The following ECHS1 variants were observed in gnomAD, a reference collection of about 807,000 sequenced individuals.
ECHS1 encodes the protein enoyl-CoA hydratase, mitochondrial.
ECHS1 carries 19 observed loss-of-function variants against 33.5 expected under a neutral mutation model. The ratio of observed to expected loss-of-function variants is 0.57; its 90% CI spans 0.40 to 0.83. The LOEUF (loss-of-function observed/expected upper bound fraction) is 0.83. Among genes scored for constraint, ECHS1 ranks in the 40% least tolerant of loss-of-function variants. ECHS1 has a pLI of 0.00. For missense variants in ECHS1, 365 were observed against 381.3 expected, an observed-to-expected ratio of 0.96 and a Z score of 0.36; for synonymous variants, 158 against 146.6, an observed-to-expected ratio of 1.08 and a Z score of -0.56.
intron 4 of ECHS1, 21 bp from the exon 5 acceptor site, chr10:133,367,014 T>A: frequency 6.3e-7 from 1 of 1,588,366 alleles, no homozygotes; most frequent in Non-Finnish European, 8.6e-7. Flanking sequence ...GGGCTGGTCA[T>A]GGCTGGCACT....
At position 133,365,411 on chromosome 10, in the gene ECHS1, G is replaced by T. The variant is rs141140984; in HGVS notation, c.739+565C>A. Among the ~76,000 whole-genome samples the T allele has an allele frequency of 3.6e-3, 542 of 152,340 alleles. 5 individuals carry two copies. Among genetic ancestry groups the T allele is most frequent in the African/African-American group, 0.012 (486 of 41,572 alleles). On this transcript the variant is annotated intron_variant, in intron 6 of 7. Coordinates refer to ENST00000368547, the MANE Select transcript of ECHS1 (RefSeq NM_004092.4). Reference sequence around the variant, plus strand: ...GACCTGCCTGGGGCCACCCACACCTGTCCGGACTCAACCAGCTAATAACCA... The same window carrying T: ...GACCTGCCTGGGGCCACCCACACCTTTCCGGACTCAACCAGCTAATAACCA...
intron 7 of ECHS1, 50 bp from the exon 8 acceptor site, chr10:133,362,983 G>A (rs750584290): frequency 1.9e-6 from 3 of 1,597,962 alleles, no homozygotes; most frequent in Non-Finnish European, 1.7e-6. Flanking sequence ...TATCCTCACA[G>A]AGCCTGATGC....
rs1564806265 is a variant in ECHS1 at position 133,373,280 on chromosome 10, C to A, written c.54G>T (p.Pro18=). ...AGGGACGCCAGGCGGGACAGCGAAC[C>A]GGGGGCCTCAGCGGGCCGCGGACGC... ...LSCVRGPLRP[P]VRCPAWRPFA... The change falls in exon 1 of 8, where the codon CCG becomes CCT. Residue 18 remains proline (P), a synonymous_variant. Coordinates refer to ENST00000368547, the MANE Select transcript of ECHS1 (RefSeq NM_004092.4). 6.8e-7 allele frequency: 1 copy of A among 1,472,580 alleles called. No individual in the cohort carries two copies. The highest frequency in any genetic ancestry group is 1.3e-5 in the South Asian group (1 of 75,590). 91.2% of individuals were successfully genotyped at this position (1,472,580 alleles called of 1,614,324 possible).
chr10:133,365,469 A>G (rs148263269), intron 6 of ECHS1, among the ~76,000 whole-genome samples: 6 of 152,376 alleles, frequency 3.9e-5, no homozygotes, highest in South Asian at 2.1e-4. Context: ...AAATTGTGAC[A>G]TTAAAACTTG....
chr10:133,372,084 G>C (rs959711290), intron 1 of ECHS1, among the ~76,000 whole-genome samples: 1 of 152,186 alleles, frequency 6.6e-6, no homozygotes, highest in Non-Finnish European at 1.5e-5. Context: ...TAGCCACTGT[G>C]CCCCGCCGTA....
At chr10:133,373,127 T>C (rs1589884696) in intron 1 of ECHS1, 119 bp downstream of exon 1, 7 of 503,088 alleles carry the variant, frequency 1.4e-5, no homozygotes, top group Non-Finnish European at 1.8e-5. Flanking sequence ...GGGTGTGGGT[T>C]GGGGTCAGGT....
chr10:133,364,632 T>G (rs202089852), intron 7 of ECHS1, 26 bp downstream of exon 7: 1,317 of 1,582,104 alleles, frequency 8.3e-4, no homozygotes, highest in Admixed American at 1.3e-3. Flanking sequence ...TTTGCTTGAT[T>G]CTCCGGTTGA....
intron 5 of ECHS1, 144 bp downstream of exon 5, chr10:133,366,745 G>C: frequency 3.2e-6 from 2 of 617,490 alleles, no homozygotes; most frequent in East Asian, 2.8e-5. Context: ...GTTTCTGTGG[G>C]GCACCCATGA....
intron 7 of ECHS1, 64 bp from the exon 8 acceptor site, chr10:133,362,997 T>C (rs1002785131): frequency 1.5e-5 from 24 of 1,573,834 alleles, no homozygotes; most frequent in Non-Finnish European, 2.1e-5. Flanking sequence ...CTGATGCCAA[T>C]GTCCGCCCGT....
chr10:133,363,479 G>T (rs1177992238), intron 7 of ECHS1, among the ~76,000 whole-genome samples: 1 of 152,192 alleles, frequency 6.6e-6, no homozygotes, highest in Non-Finnish European at 1.5e-5. Context: ...CCCAGTGAAA[G>T]ACATGAATTA....
In ECHS1 at chr10:133,370,596, C is replaced by T. The variant is rs2133443188; in HGVS notation, c.250G>A (p.Ala84Thr). Residue 84 changes from alanine (A) to threonine (T), a missense_variant, in exon 2 of 8, where the codon GCC becomes ACC. Transcript: ENST00000368547. Reference protein sequence around the residue: ...KTFEEDPAVGAIVLTGGDKAF... With the variant: ...KTFEEDPAVGTIVLTGGDKAF... ...TTATCCCCGCCGGTGAGGACAATGGCCCCCACGGCCGGGTCCTCCTCGAAG... is the reference window on the plus strand; with the variant it reads ...TTATCCCCGCCGGTGAGGACAATGGTCCCCACGGCCGGGTCCTCCTCGAAG... 2 of 1,607,708 alleles carry T rather than the reference C, an allele frequency of 1.2e-6. No individual in the cohort carries two copies. Among genetic ancestry groups the T allele is most frequent in the South Asian group, 1.1e-5 (1 of 90,120 alleles).
At chr10:133,366,762 C>T (rs1849039383) in intron 5 of ECHS1, 127 bp downstream of exon 5, 2 of 676,094 alleles carry the variant, frequency 3.0e-6, no homozygotes, top group East Asian at 2.7e-5. Context: ...ATGAGGGGGA[C>T]ACCTGGATGC....
chr10:133,366,490 ATACAG>A (rs1432208194), intron 5 of ECHS1, among the ~76,000 whole-genome samples: 3 of 152,282 alleles, frequency 2.0e-5, no homozygotes, highest in Non-Finnish European at 4.4e-5. Flanking sequence ...ACTTCCGTAC[ATACAG>A]TACTTCAAAA....
chr10:133,370,914 CAGCCACA>C (rs1233749337), intron 1 of ECHS1, among the ~76,000 whole-genome samples, 157 bp from the exon 2 acceptor site: 1 of 152,212 alleles, frequency 6.6e-6, no homozygotes, highest in Non-Finnish European at 1.5e-5. Context: ...GTGTAGCTCT[CAGCCACA>C]AGGATAGATG....
chr10:133,364,234 G>A (rs1299900946), intron 7 of ECHS1, among the ~76,000 whole-genome samples: 2 of 152,090 alleles, frequency 1.3e-5, no homozygotes, highest in East Asian at 1.9e-4. Flanking sequence ...GTGAGCCACC[G>A]CGCCCGGCCT....
chr10:133,366,271 C>T (rs1033007702), intron 5 of ECHS1, among the ~76,000 whole-genome samples, 176 bp from the exon 6 acceptor site: 4 of 152,232 alleles, frequency 2.6e-5, no homozygotes, highest in African/African-American at 9.6e-5. Flanking sequence ...GCTGAGTGAT[C>T]TCGGCACTGC....
At chr10:133,367,338 G>C (rs866260923) in intron 4 of ECHS1, among the ~76,000 whole-genome samples, 1 of 145,144 alleles carries the variant, frequency 6.9e-6, no homozygotes, top group Non-Finnish European at 1.5e-5. Context: ...TCAATCATTA[G>C]TATAAACATT....
intron 4 of ECHS1, 126 bp downstream of exon 4, chr10:133,368,797 C>G (rs1038262578): frequency 3.1e-5 from 26 of 851,058 alleles, no homozygotes; most frequent in Non-Finnish European, 4.6e-5. Flanking sequence ...ACAGAGGGAC[C>G]ACTGACCAGC....
chr10:133,372,516 A>G (rs531431960), intron 1 of ECHS1, among the ~76,000 whole-genome samples: 1 of 152,296 alleles, frequency 6.6e-6, no homozygotes, highest in Admixed American at 6.5e-5. Context: ...CCGGCTGCAC[A>G]GGAGCTACGC....
Sources: allele counts gnomAD v4.1 joint callset (sites outside exome capture counted in the v4.1 genomes callset), GRCh38; gene constraint gnomAD v4.1.1; transcripts MANE v1.5; gene names NCBI Gene and HGNC (gene_info 2026-07-23, HGNC 2026-07-21).